MYO5B: variants seen among roughly 807,000 people sequenced by gnomAD.
MYO5B encodes the protein unconventional myosin-Vb.
MYO5B carries 143 observed loss-of-function variants against 229.3 expected under a neutral mutation model. That is an observed-to-expected ratio of 0.62 (90% confidence interval 0.54 to 0.72). The LOEUF is 0.72. Ranked by LOEUF, MYO5B falls within the 30% of genes least tolerant of loss-of-function variation. The pLI is 0.00. For synonymous variants in MYO5B, 918 were observed against 885.2 expected (o/e 1.04, Z -0.66); for missense variants, 2,321 against 2,331.0 (o/e 1.00, Z 0.09).
At chr18:50,144,043 G>A (rs2032461201) in intron 1 of MYO5B, among the ~76,000 whole-genome samples, 1 of 152,152 alleles carries the variant, frequency 6.6e-6, no homozygotes, top group African/African-American at 2.4e-5. Context: ...GAACACTCAG[G>A]TGTTGTGAAA....
chr18:50,003,140 C>A (rs1203628430), intron 4 of MYO5B, among the ~76,000 whole-genome samples: 1 of 152,220 alleles, frequency 6.6e-6, no homozygotes, highest in Non-Finnish European at 1.5e-5. Flanking sequence ...AAAAATCCTT[C>A]ACTATGAGCT....
intron 16 of MYO5B, among the ~76,000 whole-genome samples, chr18:49,932,410 T>C (rs1375167926): frequency 1.3e-5 from 2 of 152,136 alleles, no homozygotes; most frequent in East Asian, 3.9e-4. Context: ...AGCCTTAACA[T>C]TGTTCCCTCT....
intron 4 of MYO5B, among the ~76,000 whole-genome samples, chr18:50,017,279 T>C (rs1430284548): frequency 2.0e-5 from 3 of 151,758 alleles, no homozygotes; most frequent in Non-Finnish European, 1.5e-5. Context: ...CACTACTGTC[T>C]GGCTAAATTT....
chr18:50,126,791 G>A (rs2032171286), intron 1 of MYO5B, among the ~76,000 whole-genome samples: 1 of 152,216 alleles, frequency 6.6e-6, no homozygotes, highest in Admixed American at 6.5e-5. Context: ...CATGCATGGT[G>A]AAGCCAGACT....
intron 22 of MYO5B, among the ~76,000 whole-genome samples, chr18:49,892,600 A>G (rs2024728201): frequency 6.6e-6 from 1 of 152,210 alleles, no homozygotes; most frequent in African/African-American, 2.4e-5. Flanking sequence ...GGAGGAAACC[A>G]ATTGTCTGAT....
intron 7 of MYO5B, among the ~76,000 whole-genome samples, chr18:49,987,329 A>C (rs8088632): frequency 1.3e-5 from 2 of 151,970 alleles, no homozygotes; most frequent in South Asian, 2.1e-4. Context: ...CAACTCCGTC[A>C]TATCACTCTC....
intron 7 of MYO5B, among the ~76,000 whole-genome samples, chr18:49,987,230 G>A (rs910839597): frequency 1.3e-5 from 2 of 151,916 alleles, no homozygotes; most frequent in African/African-American, 2.4e-5. Context: ...TCACTGCAGG[G>A]GCCACCTGGG....
chr18:50,082,999 T>G (rs1325735987), intron 1 of MYO5B, among the ~76,000 whole-genome samples: 1 of 152,186 alleles, frequency 6.6e-6, no homozygotes, highest in African/African-American at 2.4e-5. Flanking sequence ...CCACTGCCAG[T>G]GCCAAGTCTA....
chr18:50,106,261 G>A, intron 1 of MYO5B, among the ~76,000 whole-genome samples: 1 of 152,140 alleles, frequency 6.6e-6, no homozygotes, highest in Non-Finnish European at 1.5e-5. Flanking sequence ...TCTCACTAGG[G>A]TAAAACCCTG....
chr18:49,974,638 G>A (rs2025725667), intron 9 of MYO5B, 23 bp from the exon 10 acceptor site: 2 of 1,609,234 alleles, frequency 1.2e-6, no homozygotes, highest in Non-Finnish European at 1.7e-6. Context: ...GGGGAGATAG[G>A]TTCAGGAGGA....
intron 2 of MYO5B, among the ~76,000 whole-genome samples, chr18:50,044,025 A>C (rs1051801801): frequency 6.6e-6 from 1 of 152,096 alleles, no homozygotes; most frequent in Admixed American, 6.6e-5. Flanking sequence ...TTCCCCAAAA[A>C]CCTATGGCAA....
rs761810076 is a variant in MYO5B, at chr18:49,902,751, T to C, written c.2654A>G (p.Asp885Gly). The change falls in exon 21 of 40, where the codon GAT becomes GGT. Residue 885 changes from aspartate to glycine, a missense_variant. Transcript: ENST00000285039. ...MARRHFQRLRDAAIVIQCAFR... is the reference protein window; with the variant it reads ...MARRHFQRLRGAAIVIQCAFR... ...GGCACACTGGATGACAATGGCTGCATCCCGCAGCCGCTGGAAGTGCCTGCG... is the reference window on the plus strand; with the variant it reads ...GGCACACTGGATGACAATGGCTGCACCCCGCAGCCGCTGGAAGTGCCTGCG... 6.2e-7 allele frequency: 1 copy of C among 1,607,596 alleles called. No individual in the cohort carries two copies. Among genetic ancestry groups the C allele is most frequent in the East Asian group, 2.2e-5 (1 of 44,878 alleles).
intron 39 of MYO5B, among the ~76,000 whole-genome samples, chr18:49,828,085 C>A (rs4567830): frequency 1.3e-5 from 2 of 152,162 alleles, no homozygotes; most frequent in Admixed American, 6.5e-5. Context: ...ACTACAGGTT[C>A]TGCATCCTGT....
chr18:49,932,427 C>T (rs563850306), intron 16 of MYO5B, among the ~76,000 whole-genome samples: 117 of 152,308 alleles, frequency 7.7e-4, no homozygotes, highest in African/African-American at 2.6e-3. Context: ...CTCTTCGTGA[C>T]CAGCTCAGCA....
chr18:49,888,166 A>G (rs574510609), intron 22 of MYO5B, among the ~76,000 whole-genome samples: 1 of 152,196 alleles, frequency 6.6e-6, no homozygotes, highest in Admixed American at 6.5e-5. Context: ...TGGGCTGGAC[A>G]ATTCTTTCTT....
intron 17 of MYO5B, 25 bp from the exon 18 acceptor site, chr18:49,912,198 A>C (rs933543627): frequency 1.9e-6 from 3 of 1,575,974 alleles, no homozygotes; most frequent in Non-Finnish European, 2.6e-6. Context: ...AAGGGGCATC[A>C]GGTGACACAT....
Position 50,103,706 on chromosome 18 carries a change from A to G in MYO5B, c.28-48328T>C, listed in dbSNP as rs544859376. ...CAGTGAGCTATGATTATACCACTGC[A>G]CTCCAGCCCATGCAACAGAGCAAGA... On this transcript the variant is annotated intron_variant, in intron 1 of 39. Transcript: ENST00000285039. 1.8e-4 allele frequency among the ~76,000 whole-genome samples: 27 copies of G among 152,224 alleles called. No individual in the cohort carries two copies. In the South Asian group the frequency reaches 5.6e-3, roughly 32 times the overall value.
chr18:50,096,442 C>A (rs990047687), intron 1 of MYO5B, among the ~76,000 whole-genome samples: 9 of 152,142 alleles, frequency 5.9e-5, no homozygotes, highest in South Asian at 2.1e-4. Flanking sequence ...CCTCTCCCCC[C>A]TCCAATCCAT....
At chr18:49,883,466 C>CA (rs2024610323) in intron 22 of MYO5B, among the ~76,000 whole-genome samples, 1 of 152,086 alleles carries the variant, frequency 6.6e-6, no homozygotes, top group Non-Finnish European at 1.5e-5. Flanking sequence ...AATGAAAAAA[C>CA]ATTATTGAAA....
Sources: gnomAD v4.1 joint callset for allele counts (sites outside exome capture counted in the v4.1 genomes callset) on GRCh38, gnomAD v4.1.1 for gene constraint, MANE v1.5 for transcripts, NCBI Gene and HGNC (gene_info 2026-07-23, HGNC 2026-07-21) for gene names.